TMEM135: variants seen among roughly 807,000 people sequenced by gnomAD.
TMEM135 encodes the protein transmembrane protein 135, also known as peroxisomal membrane protein 52.
Under a neutral mutation model 60.3 loss-of-function variants are expected in TMEM135, and 30 were observed. That is an observed-to-expected ratio of 0.50 (90% CI 0.37 to 0.68). The LOEUF is 0.68. TMEM135 is among the 30% of genes least tolerant of loss of function. The pLI is 0.00. For missense variants in TMEM135, 468 were observed against 548.8 expected (o/e 0.85, Z 1.47); for synonymous variants, 190 against 186.7 (o/e 1.02, Z -0.14).
chr11:87,318,489 A>C (rs1942768733), intron 13 of TMEM135, among the ~76,000 whole-genome samples: 1 of 152,056 alleles, frequency 6.6e-6, no homozygotes, highest in Non-Finnish European at 1.5e-5. Context: ...ATTTATAAGT[A>C]AATTATTGTT....
chr11:87,161,127 T>A (rs996829027), intron 5 of TMEM135, among the ~76,000 whole-genome samples: 5 of 152,162 alleles, frequency 3.3e-5, no homozygotes, highest in Non-Finnish European at 5.9e-5. Context: ...CTCCATCTCT[T>A]GACCTCGTGA....
rs192503657 is a variant in TMEM135 at position 87,247,735 on chromosome 11, C to G, written c.509+11051C>G. Among the ~76,000 whole-genome samples, 370 of 152,158 alleles carry G rather than the reference C, an allele frequency of 2.4e-3. 3 individuals carry two copies. The highest frequency in any genetic ancestry group is 8.7e-3 in the African/African-American group (360 of 41,526). Reference sequence around the variant, plus strand: ...AGCGCAGTATTAGGGTGGGAGTGACCCGATTTTCCAGGTGCCGTCTGTCAC... The same window carrying G: ...AGCGCAGTATTAGGGTGGGAGTGACGCGATTTTCCAGGTGCCGTCTGTCAC... On this transcript the variant is annotated intron_variant, in intron 6 of 14. Transcript: ENST00000305494.
intron 4 of TMEM135, chr11:87,096,681 G>C (rs1857338001): frequency 6.6e-6 from 1 of 152,112 alleles, no homozygotes; most frequent in Non-Finnish European, 1.5e-5. Context: ...ACCCTACAAA[G>C]TTATGTTGCA....
rs866038538 is a variant in TMEM135, at chr11:87,111,668, A to G, written c.396+20273A>G. ...TCCGTCTCAAAAAAAAAAAAAAAAA[A>G]AAAGAAAAAGAAATTTCCTGCATTA... On this transcript the variant is annotated intron_variant, in intron 4 of 14. Coordinates refer to ENST00000305494, the MANE Select transcript of TMEM135 (RefSeq NM_022918.4). Among the ~76,000 whole-genome samples the G allele has an allele frequency of 8.2e-3, 1,232 of 150,412 alleles. 25 individuals are homozygous for G. The highest frequency in any genetic ancestry group is 0.029 in the African/African-American group (1,171 of 40,804).
chr11:87,326,883 T>C lies in TMEM135; in HGVS notation c.*5550T>C, dbSNP rs748110575. ...GGCAGGATAAATAAATCTATGAAAC[T>C]AGAGGCATCATTGAATCATCTGAGG... On this transcript the variant is annotated 3_prime_UTR_variant, in exon 15 of 15. Transcript: ENST00000305494. The C allele has an allele frequency of 2.9e-4, 130 of 449,482 alleles. No individual in the cohort carries two copies. Among genetic ancestry groups the C allele is most frequent in the Non-Finnish European group, 2.4e-4 (55 of 225,942 alleles). The allele number at this position is 449,482 out of a possible 1,614,324, so 27.8% of individuals were successfully genotyped here.
At chr11:87,301,566 T>C (rs1010703648) in intron 7 of TMEM135, among the ~76,000 whole-genome samples, 1 of 152,128 alleles carries the variant, frequency 6.6e-6, no homozygotes. Context: ...TTCCAGACTT[T>C]TAGTGTATTG....
intron 6 of TMEM135, among the ~76,000 whole-genome samples, chr11:87,245,573 T>G (rs1941248925): frequency 7.0e-6 from 1 of 141,946 alleles, no homozygotes; most frequent in South Asian, 2.5e-4. Context: ...AGTTAGCTCT[T>G]CTTGTTGAAT....
intron 4 of TMEM135, among the ~76,000 whole-genome samples, chr11:87,109,246 A>T (rs1857679925): frequency 6.6e-6 from 1 of 152,084 alleles, no homozygotes; most frequent in Non-Finnish European, 1.5e-5. Context: ...GTGTTCAAAG[A>T]CCTCCAGTAG....
intron 4 of TMEM135, among the ~76,000 whole-genome samples, chr11:87,144,734 G>A: frequency 6.8e-6 from 1 of 146,850 alleles, no homozygotes; most frequent in East Asian, 2.0e-4. Flanking sequence ...GTGTGTGTGT[G>A]TTTTCTGGCT....
intron 1 of TMEM135, among the ~76,000 whole-genome samples, chr11:87,046,064 G>A (rs903310587): frequency 3.9e-5 from 6 of 152,124 alleles, no homozygotes; most frequent in African/African-American, 1.4e-4. Flanking sequence ...ATGCCATAAG[G>A]TACAGATAAA....
chr11:87,057,546 A>G (rs1250605795), intron 1 of TMEM135, among the ~76,000 whole-genome samples: 3 of 152,180 alleles, frequency 2.0e-5, no homozygotes, highest in Non-Finnish European at 4.4e-5. Flanking sequence ...TTCTTCATTT[A>G]TAAGTAGAAG....
chr11:87,054,815 A>G (rs1433924101), intron 1 of TMEM135, among the ~76,000 whole-genome samples: 2 of 152,022 alleles, frequency 1.3e-5, no homozygotes, highest in Admixed American at 1.3e-4. Flanking sequence ...TCAGACCCGT[A>G]TGTCAGAAAC....
rs1233361379 is a variant in TMEM135, at chr11:87,324,981, A to T, written c.*3648A>T. On this transcript the variant is annotated 3_prime_UTR_variant, in exon 15 of 15. Coordinates refer to ENST00000305494, the MANE Select transcript of TMEM135 (RefSeq NM_022918.4). ...TTAGGGCTGCACTTTGAATGTGATGAGTAATAAGGTTACCTTCATTGTGGA... is the reference window on the plus strand; with the variant it reads ...TTAGGGCTGCACTTTGAATGTGATGTGTAATAAGGTTACCTTCATTGTGGA... The T allele has an allele frequency of 2.2e-6, 1 of 453,906 alleles. No individual in the cohort carries two copies. The highest frequency in any genetic ancestry group is 4.4e-6 in the Non-Finnish European group (1 of 226,770). The allele number at this position is 453,906 out of a possible 1,614,324, so 28.1% of individuals were successfully genotyped here. A position where few individuals can be genotyped will look rare whatever the true frequency, so the allele number is the denominator to read the frequency against.
chr11:87,212,686 G>T (rs1268517526), intron 5 of TMEM135, among the ~76,000 whole-genome samples: 1 of 151,958 alleles, frequency 6.6e-6, no homozygotes, highest in East Asian at 1.9e-4. Context: ...AGCTGGACAT[G>T]GTGGCATGTG....
chr11:87,111,418 C>T (rs1162656024), intron 4 of TMEM135, among the ~76,000 whole-genome samples: 6 of 151,742 alleles, frequency 4.0e-5, no homozygotes, highest in South Asian at 2.1e-4. Context: ...GAGGCTGAGG[C>T]GGGTGGATCA....
chr11:87,117,951 A>G (rs1857933458), intron 4 of TMEM135, among the ~76,000 whole-genome samples: 1 of 152,196 alleles, frequency 6.6e-6, no homozygotes, highest in South Asian at 2.1e-4. Flanking sequence ...TGCAAGTTCA[A>G]ACTACTCCTT....
chr11:87,045,343 T>C (rs111783588), intron 1 of TMEM135, among the ~76,000 whole-genome samples: 1 of 152,156 alleles, frequency 6.6e-6, no homozygotes, highest in African/African-American at 2.4e-5. Flanking sequence ...GTTGTTTTTA[T>C]ATGTGAGTTC....
chr11:87,256,969 A>T (rs1941539410), intron 6 of TMEM135, among the ~76,000 whole-genome samples: 1 of 152,096 alleles, frequency 6.6e-6, no homozygotes, highest in Non-Finnish European at 1.5e-5. Flanking sequence ...TCAGCTTCTC[A>T]AATGAGATTA....
At chr11:87,102,095 G>A (rs1174294825) in intron 4 of TMEM135, among the ~76,000 whole-genome samples, 1 of 152,232 alleles carries the variant, frequency 6.6e-6, no homozygotes, top group East Asian at 1.9e-4. Flanking sequence ...CACCAGCTTA[G>A]TGTCCTCTAA....
Sources: allele counts gnomAD v4.1 joint callset (sites outside exome capture counted in the v4.1 genomes callset), GRCh38; gene constraint gnomAD v4.1.1; transcripts MANE v1.5; gene names NCBI Gene and HGNC (gene_info 2026-07-23, HGNC 2026-07-21).